SEZ6L: variants seen among roughly 807,000 people sequenced by gnomAD.
SEZ6L encodes the protein seizure 6-like protein.
SEZ6L carries 37 observed loss-of-function variants against 106.2 expected under a neutral mutation model. That is an observed-to-expected ratio of 0.35 (90% CI 0.27 to 0.46). The LOEUF (loss-of-function observed/expected upper bound fraction) is 0.46. Ranked by LOEUF, SEZ6L falls within the 20% of genes least tolerant of loss-of-function variation. The probability of loss-of-function intolerance (pLI) is 1.00; values close to 1 mark genes in which losing one functional copy is unlikely to be tolerated. For synonymous variants in SEZ6L, 541 were observed against 570.4 expected, an observed-to-expected ratio of 0.95 and a Z score of 0.73; for missense variants, 1,172 against 1,332.8, an observed-to-expected ratio of 0.88 and a Z score of 1.88.
chr22:26,253,817 A>G (rs577726673), intron 1 of SEZ6L, among the ~76,000 whole-genome samples: 37 of 152,254 alleles, frequency 2.4e-4, no homozygotes, highest in Non-Finnish European at 2.5e-4. Flanking sequence ...TTAAATTTTC[A>G]TGGAAAAAGT....
intron 1 of SEZ6L, among the ~76,000 whole-genome samples, chr22:26,262,244 T>TTTTCTATCTATC (rs1556283084): frequency 6.9e-6 from 1 of 144,322 alleles, no homozygotes; most frequent in African/African-American, 2.6e-5. Flanking sequence ...TTGATATATT[T>TTTTCTATCTATC]TATCTATCTA....
At chr22:26,272,083 A>T (rs555224101) in intron 1 of SEZ6L, among the ~76,000 whole-genome samples, 1 of 152,382 alleles carries the variant, frequency 6.6e-6, no homozygotes, top group East Asian at 1.9e-4. Context: ...TACAAAAGAG[A>T]ACACGTTGCA....
intron 1 of SEZ6L, 88 bp from the exon 2 acceptor site, chr22:26,292,318 C>T (rs1243327747): frequency 9.3e-7 from 1 of 1,079,024 alleles, no homozygotes; most frequent in Non-Finnish European, 1.3e-6. Context: ...TTGGGCACCG[C>T]CCTTAGGAGG....
intron 1 of SEZ6L, among the ~76,000 whole-genome samples, chr22:26,270,464 GT>G (rs1232383146): frequency 0.1 from 239 of 2,352 alleles, no homozygotes; most frequent in Non-Finnish European, 0.45. Context: ...ATTGTGAGGG[GT>G]GTGTGTGTGT....
intron 12 of SEZ6L, among the ~76,000 whole-genome samples, chr22:26,357,463 A>G (rs1051860885): frequency 2.0e-5 from 3 of 151,662 alleles, no homozygotes; most frequent in Admixed American, 6.6e-5. Flanking sequence ...CGTCAGCACC[A>G]CCTCCTCCAG....
In SEZ6L at chr22:26,278,999, A is replaced by AGGAAGGAAGGAAGGAAGGAAGGAAAGAC. The variant is rs57017312; in HGVS notation, c.95-13397_95-13396insAAGGAAGGAAGGAAAGACGGAAGGAAGG. Reference sequence around the variant, plus strand: ...GAGGGAGGGAGGGAGGAAGGAAGGAAGGAAGGAAGGGAAGGAAGGAAAGAA... The same window carrying AGGAAGGAAGGAAGGAAGGAAGGAAAGAC: ...GAGGGAGGGAGGGAGGAAGGAAGGAAGGAAGGAAGGAAGGAAGGAAGGAAAGACGGAAGGAAGGGAAGGAAGGAAAGAA... On this transcript the variant is annotated intron_variant, in intron 1 of 16. Transcript: ENST00000248933. Among the ~76,000 whole-genome samples, 38 of 135,642 alleles carry AGGAAGGAAGGAAGGAAGGAAGGAAAGAC rather than the reference A, an allele frequency of 2.8e-4. 1 individual carries two copies. Among genetic ancestry groups the AGGAAGGAAGGAAGGAAGGAAGGAAAGAC allele is most frequent in the East Asian group, 1.8e-3 (9 of 5,096 alleles). The allele number at this position is 135,642 out of a possible 152,430, so 89.0% of individuals were successfully genotyped here.
chr22:26,306,406 C>A (rs2081634001), intron 6 of SEZ6L, among the ~76,000 whole-genome samples: 1 of 152,102 alleles, frequency 6.6e-6, no homozygotes, highest in Non-Finnish European at 1.5e-5. Context: ...AGGGAACTGC[C>A]CTATTCTTTC....
chr22:26,300,744 T>A (rs946796673), intron 5 of SEZ6L, among the ~76,000 whole-genome samples: 2 of 152,250 alleles, frequency 1.3e-5, no homozygotes, highest in African/African-American at 4.8e-5. Flanking sequence ...ACTTCCACAA[T>A]GGTTGAACTA....
chr22:26,285,477 T>C (rs2080907259), intron 1 of SEZ6L, among the ~76,000 whole-genome samples: 1 of 152,178 alleles, frequency 6.6e-6, no homozygotes, highest in Non-Finnish European at 1.5e-5. Context: ...CACCTCTGTG[T>C]TGTGTTCACT....
intron 12 of SEZ6L, among the ~76,000 whole-genome samples, chr22:26,353,013 T>C (rs1264088441): frequency 6.6e-6 from 1 of 152,226 alleles, no homozygotes; most frequent in Admixed American, 6.5e-5. Context: ...TCTGATCCTT[T>C]TCTTGTGAGA....
chr22:26,245,981 A>G (rs1028334805), intron 1 of SEZ6L, among the ~76,000 whole-genome samples: 1 of 152,262 alleles, frequency 6.6e-6, no homozygotes, highest in Non-Finnish European at 1.5e-5. Flanking sequence ...CTCTATGCCA[A>G]AGCAGACCAT....
chr22:26,210,059 C>T (rs2331213), intron 1 of SEZ6L, among the ~76,000 whole-genome samples: 39,222 of 151,034 alleles, frequency 0.26, 5,542 homozygotes, highest in African/African-American at 0.35. Context: ...ATACCATGCA[C>T]TATGTTAGCA....
intron 1 of SEZ6L, among the ~76,000 whole-genome samples, chr22:26,252,996 T>A (rs2079656047): frequency 6.6e-6 from 1 of 152,208 alleles, no homozygotes; most frequent in East Asian, 1.9e-4. Context: ...AAGAGTAATA[T>A]TAATAGTGGT....
chr22:26,338,788 C>T (rs1206190051), intron 9 of SEZ6L, among the ~76,000 whole-genome samples: 1 of 151,390 alleles, frequency 6.6e-6, no homozygotes, highest in African/African-American at 2.4e-5. Flanking sequence ...GATTTCTTGA[C>T]CTCGTGATCC....
At chr22:26,247,495 A>G (rs2079401291) in intron 1 of SEZ6L, among the ~76,000 whole-genome samples, 1 of 152,144 alleles carries the variant, frequency 6.6e-6, no homozygotes, top group African/African-American at 2.4e-5. Flanking sequence ...ATGCAGAGAG[A>G]CACACTCAGA....
chr22:26,347,542 G>C (rs1053670632), intron 10 of SEZ6L, among the ~76,000 whole-genome samples, 177 bp from the exon 11 acceptor site: 5 of 152,162 alleles, frequency 3.3e-5, no homozygotes, highest in Non-Finnish European at 5.9e-5. Flanking sequence ...CCCACAGAGA[G>C]AGGTAACCAT....
intron 1 of SEZ6L, among the ~76,000 whole-genome samples, chr22:26,206,597 CTG>C (rs1941284624): frequency 6.6e-6 from 1 of 152,224 alleles, no homozygotes; most frequent in South Asian, 2.1e-4. Context: ...TAACACTAAA[CTG>C]CTGCCAATAA....
chr22:26,340,332 A>G (rs2082787717), intron 9 of SEZ6L, 104 bp from the exon 10 acceptor site: 4 of 1,076,240 alleles, frequency 3.7e-6, no homozygotes, highest in Admixed American at 2.1e-5. Flanking sequence ...AGCCTGACAC[A>G]TACACACTTA....
intron 1 of SEZ6L, among the ~76,000 whole-genome samples, chr22:26,217,017 G>A (rs924927842): frequency 6.6e-6 from 1 of 152,162 alleles, no homozygotes; most frequent in Admixed American, 6.5e-5. Context: ...GATTAAATGG[G>A]AATAACTGGG....
Sources: gnomAD v4.1 joint callset for allele counts (sites outside exome capture counted in the v4.1 genomes callset) on GRCh38, gnomAD v4.1.1 for gene constraint, MANE v1.5 for transcripts, NCBI Gene and HGNC (gene_info 2026-07-23, HGNC 2026-07-21) for gene names.